The following DCC variants were observed in gnomAD, a reference collection of about 807,000 sequenced individuals.
The protein encoded by DCC is netrin receptor DCC.
DCC carries 58 observed loss-of-function variants against 172.5 expected under a neutral mutation model. The ratio of observed to expected loss-of-function variants is 0.34; its 90% CI spans 0.27 to 0.42. The LOEUF (loss-of-function observed/expected upper bound fraction) is 0.42, where lower values mean the gene tolerates loss of function less well. DCC is among the 10% of genes least tolerant of loss of function. The pLI is 1.00. For missense variants in DCC, 1,740 were observed against 1,791.0 expected (o/e 0.97, Z 0.51); for synonymous variants, 709 against 644.5 (o/e 1.10, Z -1.52).
intron 1 of DCC, among the ~76,000 whole-genome samples, chr18:52,650,566 T>C (rs950504066): frequency 1.3e-5 from 2 of 152,212 alleles, no homozygotes; most frequent in African/African-American, 4.8e-5. Flanking sequence ...TGTTTGTTTG[T>C]TTGTTTGTTT....
intron 1 of DCC, among the ~76,000 whole-genome samples, chr18:52,386,044 C>T (rs1985786831): frequency 6.6e-6 from 1 of 152,072 alleles, no homozygotes; most frequent in Non-Finnish European, 1.5e-5. Flanking sequence ...ATTCAATCCT[C>T]ACCAGAAACC....
At chr18:52,551,867 G>C (rs2032783725) in intron 1 of DCC, among the ~76,000 whole-genome samples, 1 of 152,100 alleles carries the variant, frequency 6.6e-6, no homozygotes, top group African/African-American at 2.4e-5. Flanking sequence ...ATCCCCATGA[G>C]CAGCATTGTC....
At chr18:52,929,228 T>C (rs777536719) in intron 5 of DCC, among the ~76,000 whole-genome samples, 2 of 152,098 alleles carry the variant, frequency 1.3e-5, no homozygotes, top group Non-Finnish European at 2.9e-5. Context: ...CACAGAAAGA[T>C]AAGTGGCTAT....
intron 15 of DCC, among the ~76,000 whole-genome samples, chr18:53,382,981 G>C (rs963151435): frequency 1.3e-5 from 2 of 151,902 alleles, no homozygotes; most frequent in Non-Finnish European, 2.9e-5. Context: ...TTTTTATTTT[G>C]ATATAAAACC....
intron 5 of DCC, among the ~76,000 whole-genome samples, chr18:53,026,812 C>A (rs934634394): frequency 6.6e-6 from 1 of 152,018 alleles, no homozygotes; most frequent in Non-Finnish European, 1.5e-5. Flanking sequence ...ATCCTCCTAC[C>A]TTGACCTCTC....
At chr18:53,184,737 A>G (rs1421605198) in intron 9 of DCC, among the ~76,000 whole-genome samples, 1 of 152,192 alleles carries the variant, frequency 6.6e-6, no homozygotes, top group African/African-American at 2.4e-5. Context: ...ACCTTGGTAT[A>G]TCTGGGCTGT....
chr18:52,365,577 T>G (rs999755204), intron 1 of DCC, among the ~76,000 whole-genome samples: 1 of 151,962 alleles, frequency 6.6e-6, no homozygotes, highest in Non-Finnish European at 1.5e-5. Context: ...GAAGGAAAGA[T>G]TACTGAGCAA....
At chr18:53,068,155 A>T (rs1402921421) in intron 7 of DCC, among the ~76,000 whole-genome samples, 2 of 152,138 alleles carry the variant, frequency 1.3e-5, no homozygotes, top group Non-Finnish European at 2.9e-5. Context: ...GTGTAACTTC[A>T]TTGGTGTGAC....
At chr18:53,077,161 T>G (rs1434114972) in intron 7 of DCC, among the ~76,000 whole-genome samples, 1 of 152,124 alleles carries the variant, frequency 6.6e-6, no homozygotes, top group Non-Finnish European at 1.5e-5. Context: ...TCCTGATCTT[T>G]CCATCATTGG....
chr18:52,741,533 C>T (rs1335317592), intron 1 of DCC, among the ~76,000 whole-genome samples: 4 of 152,188 alleles, frequency 2.6e-5, no homozygotes, highest in Non-Finnish European at 5.9e-5. Context: ...ACCAGAAATG[C>T]CTCCAGACAT....
At chr18:53,068,243 G>A (rs758342058) in intron 7 of DCC, among the ~76,000 whole-genome samples, 2 of 152,166 alleles carry the variant, frequency 1.3e-5, no homozygotes, top group Non-Finnish European at 2.9e-5. Context: ...TCTCTAATGT[G>A]AGCCACACTT....
chr18:52,454,854 TG>T (rs1204804220), intron 1 of DCC, among the ~76,000 whole-genome samples: 1 of 152,190 alleles, frequency 6.6e-6, no homozygotes, highest in African/African-American at 2.4e-5. Context: ...CATAGTTTAT[TG>T]TCTACATTTC....
chr18:53,480,343 T>C (rs1320185720), intron 25 of DCC, among the ~76,000 whole-genome samples: 1 of 152,104 alleles, frequency 6.6e-6, no homozygotes, highest in Non-Finnish European at 1.5e-5. Context: ...ATAAACCACA[T>C]TAAAATTGGG....
At chr18:52,617,927 T>A (rs1305109323) in intron 1 of DCC, among the ~76,000 whole-genome samples, 1 of 152,194 alleles carries the variant, frequency 6.6e-6, no homozygotes, top group African/African-American at 2.4e-5. Context: ...GCCATGTCTA[T>A]ATAGCCTAAG....
chr18:52,359,363 T>C (rs1984518392), intron 1 of DCC, among the ~76,000 whole-genome samples: 2 of 152,230 alleles, frequency 1.3e-5, no homozygotes, highest in South Asian at 4.1e-4. Context: ...CCCATTTTTA[T>C]ATTTAATACA....
intron 2 of DCC, among the ~76,000 whole-genome samples, chr18:52,823,808 C>T (rs1835709): frequency 0.23 from 35,176 of 151,976 alleles, 4,417 homozygotes; most frequent in Middle Eastern, 0.28. Flanking sequence ...GTGTCCTGTA[C>T]GGGATACATA....
chr18:52,823,255 G>C (rs188206288), intron 2 of DCC, among the ~76,000 whole-genome samples: 4 of 152,046 alleles, frequency 2.6e-5, no homozygotes, highest in Admixed American at 2.0e-4. Context: ...GATTACTTGA[G>C]GCCAGGAGTT....
At chr18:52,525,107 C>T (rs1281872175) in intron 1 of DCC, among the ~76,000 whole-genome samples, 1 of 151,650 alleles carries the variant, frequency 6.6e-6, no homozygotes, top group African/African-American at 2.4e-5. Context: ...ACCATTCTCT[C>T]GTATTTAGGA....
intron 24 of DCC, among the ~76,000 whole-genome samples, chr18:53,462,451 G>A (rs5013791): frequency 0.45 from 68,692 of 151,316 alleles, 17,326 homozygotes; most frequent in Non-Finnish European, 0.58. Context: ...AATGTCTGAT[G>A]ATCTGTCACT....
Sources: allele counts gnomAD v4.1 joint callset (sites outside exome capture counted in the v4.1 genomes callset), GRCh38; gene constraint gnomAD v4.1.1; transcripts MANE v1.5; gene names NCBI Gene and HGNC (gene_info 2026-07-23, HGNC 2026-07-21).